Variants in TRIM49C observed in about 807,000 individuals in gnomAD.
The protein encoded by TRIM49C is tripartite motif-containing protein 49C.
TRIM49C carries 6 observed loss-of-function variants against 21.4 expected under a neutral mutation model. That is an observed-to-expected ratio of 0.28 (90% CI 0.15 to 0.55). The LOEUF is 0.55. TRIM49C is among the 20% of genes least tolerant of loss of function. The probability of loss-of-function intolerance (pLI) is 0.94; values close to 1 mark genes in which losing one functional copy is unlikely to be tolerated. For synonymous variants in TRIM49C, 57 were observed against 148.1 expected, an observed-to-expected ratio of 0.38 and a Z score of 4.47; for missense variants, 161 against 442.4, an observed-to-expected ratio of 0.36 and a Z score of 5.71.
the TRIM49C span, chr11:90,053,878 TAA>T: frequency 6.9e-6 from 1 of 144,600 alleles, no homozygotes; most frequent in South Asian, 2.3e-4. Context: ...TTTACATTAT[TAA>T]GTTTGTTTTT....
intron 6 of TRIM49C, among the ~76,000 whole-genome samples, 172 bp from the exon 7 acceptor site, chr11:90,039,693 T>G (rs1262550770): frequency 7.3e-6 from 1 of 136,854 alleles, no homozygotes; most frequent in African/African-American, 2.6e-5. Context: ...TCTTCCATCA[T>G]GCTTTAAAAT....
the TRIM49C span, among the ~76,000 whole-genome samples, chr11:90,066,791 G>A: frequency 6.0e-5 from 8 of 133,928 alleles, 1 homozygote; most frequent in Admixed American, 8.9e-5. Flanking sequence ...TTTTCGAGAC[G>A]CAGTCTCCCT....
the TRIM49C span, among the ~76,000 whole-genome samples, chr11:90,064,333 T>C: frequency 6.6e-6 from 1 of 151,664 alleles, no homozygotes; most frequent in African/African-American, 2.4e-5. Context: ...AAATAGCCAA[T>C]ATTTCAACTA....
intron 2 of TRIM49C, among the ~76,000 whole-genome samples, chr11:90,033,323 A>G (rs1950699893): frequency 7.9e-6 from 1 of 127,346 alleles, no homozygotes; most frequent in Non-Finnish European, 1.6e-5. Context: ...TAGTTTTTAT[A>G]TTAGTCAGGG....
chr11:90,039,674 G>A (rs1237481746), intron 6 of TRIM49C, among the ~76,000 whole-genome samples, 191 bp from the exon 7 acceptor site: 1 of 135,008 alleles, frequency 7.4e-6, no homozygotes, highest in Non-Finnish European at 1.6e-5. Flanking sequence ...ATTGGATTCT[G>A]GCTTAGATTC....
chr11:90,043,712 G>T (rs1299360890), downstream of TRIM49C, among the ~76,000 whole-genome samples: 2 of 121,754 alleles, frequency 1.6e-5, 1 homozygote, highest in African/African-American at 6.7e-5. Flanking sequence ...AGTAATTATT[G>T]GGTGCCTGAA....
At chr11:90,038,997 G>A (rs1384182537) in intron 6 of TRIM49C, among the ~76,000 whole-genome samples, 1 of 138,086 alleles carries the variant, frequency 7.2e-6, no homozygotes, top group East Asian at 2.3e-4. Flanking sequence ...TCGGCTCACT[G>A]CAAGCTCCGC....
chr11:90,069,158 G>A, the TRIM49C span, among the ~76,000 whole-genome samples: 1 of 132,708 alleles, frequency 7.5e-6, no homozygotes, highest in Non-Finnish European at 1.6e-5. Context: ...AGGCTGGAGT[G>A]CAGTGGCACA....
At chr11:90,032,908 TTG>T (rs1042496374) in intron 2 of TRIM49C, among the ~76,000 whole-genome samples, 1 of 116,332 alleles carries the variant, frequency 8.6e-6, no homozygotes, top group African/African-American at 3.8e-5. Context: ...TATTGTCAAA[TTG>T]AATTGAGAAG....
chr11:90,061,969 T>C, the TRIM49C span: 5 of 392,930 alleles, frequency 1.3e-5, no homozygotes, highest in Middle Eastern at 1.4e-3. Context: ...TTACCACTAA[T>C]GAACAAAATT....
chr11:90,034,723 G>A (rs1950712763), intron 2 of TRIM49C, among the ~76,000 whole-genome samples: 1 of 133,176 alleles, frequency 7.5e-6, no homozygotes, highest in Non-Finnish European at 1.6e-5. Flanking sequence ...TGCCATGGTG[G>A]TTTGCTGCCC....
At chr11:90,038,976 A>AG (rs1324565518) in intron 6 of TRIM49C, among the ~76,000 whole-genome samples, 1 of 137,978 alleles carries the variant, frequency 7.2e-6, no homozygotes, top group Non-Finnish European at 1.6e-5. Flanking sequence ...CTGGAGTGCA[A>AG]TGGCGCCATC....
the TRIM49C span, chr11:90,071,791 G>C: frequency 1.8e-6 from 2 of 1,101,366 alleles, no homozygotes; most frequent in Non-Finnish European, 2.6e-6. Flanking sequence ...AACCACTTCC[G>C]AGGTGAGTGT....
chr11:90,045,713 A>G (rs972274884), downstream of TRIM49C, among the ~76,000 whole-genome samples: 1 of 102,772 alleles, frequency 9.7e-6, no homozygotes, highest in African/African-American at 4.1e-5. Context: ...CAATCGTGTC[A>G]TCTGCAAACA....
In TRIM49C at chr11:90,037,507, G is replaced by GT. The variant is rs1371504734; in HGVS notation, c.508-235dup. ...GTTGGAATAGAGAAATTCAAATTGT[G>GT]TTTTTTTGTTTTCAACTATCTTAGA... On this transcript the variant is annotated intron_variant, in intron 4 of 7. Transcript: ENST00000448984. Among the ~76,000 whole-genome samples, 3 of 94,936 alleles carry GT rather than the reference G, an allele frequency of 3.2e-5. 1 individual carries two copies. The highest frequency in any genetic ancestry group is 4.3e-5 in the Non-Finnish European group (2 of 46,408). The allele number at this position is 94,936 out of a possible 152,430, so 62.3% of individuals were successfully genotyped here.
At chr11:90,055,058 C>T in the TRIM49C span, among the ~76,000 whole-genome samples, 64 of 147,584 alleles carry the variant, frequency 4.3e-4, 2 homozygotes, top group African/African-American at 1.4e-3. Context: ...TGGGTTGGAG[C>T]CCTAAGGTGA....
downstream of TRIM49C, among the ~76,000 whole-genome samples, chr11:90,042,182 A>G (rs1362538597): frequency 2.1e-5 from 3 of 145,448 alleles, no homozygotes; most frequent in Non-Finnish European, 4.5e-5. Flanking sequence ...CTAAATATTG[A>G]CTCCTACCTC....
At chr11:90,062,712 G>A in the TRIM49C span, 114 of 1,492,706 alleles carry the variant, frequency 7.6e-5, 10 homozygotes, top group East Asian at 1.8e-3. Flanking sequence ...CTTAGTCTCC[G>A]CATGGAGCAC....
chr11:90,033,678 G>C (rs1158337630), intron 2 of TRIM49C, among the ~76,000 whole-genome samples: 1 of 135,106 alleles, frequency 7.4e-6, no homozygotes, highest in Non-Finnish European at 1.6e-5. Flanking sequence ...GCACTGTGGC[G>C]CGTGCCTATA....
Sources: gnomAD v4.1 joint callset for allele counts (sites outside exome capture counted in the v4.1 genomes callset) on GRCh38, gnomAD v4.1.1 for gene constraint, MANE v1.5 for transcripts, NCBI Gene and HGNC (gene_info 2026-07-23, HGNC 2026-07-21) for gene names.